HAUS6: variants seen among roughly 807,000 people sequenced by gnomAD.
HAUS6 encodes HAUS augmin-like complex subunit 6.
HAUS6 carries 80 observed loss-of-function variants against 106.8 expected under a neutral mutation model. The observed-to-expected ratio is 0.75, with a 90% CI of 0.63 to 0.90. The LOEUF is 0.90. Ranked by LOEUF, HAUS6 falls within the 40% of genes least tolerant of loss-of-function variation. The pLI is 0.00. For synonymous variants in HAUS6, 356 were observed against 379.1 expected, an observed-to-expected ratio of 0.94 and a Z score of 0.71; for missense variants, 1,155 against 1,118.1, an observed-to-expected ratio of 1.03 and a Z score of -0.47.
intron 4 of HAUS6, among the ~76,000 whole-genome samples, chr9:19,091,431 T>C (rs940930175): frequency 3.3e-5 from 5 of 152,212 alleles, no homozygotes; most frequent in African/African-American, 1.2e-4. Context: ...GGACAATCCA[T>C]GCTTAGAAGT....
At chr9:19,078,949 G>C (rs1280098610) in intron 9 of HAUS6, among the ~76,000 whole-genome samples, 1 of 150,284 alleles carries the variant, frequency 6.7e-6, no homozygotes, top group African/African-American at 2.4e-5. Flanking sequence ...GAGGTCAGGA[G>C]TTCAAGACCA....
chr9:19,071,663 T>A (rs1259762585), intron 11 of HAUS6, among the ~76,000 whole-genome samples: 3 of 150,910 alleles, frequency 2.0e-5, no homozygotes, highest in Non-Finnish European at 4.4e-5. Context: ...AGCCTCGACT[T>A]CCTGGGCTCA....
chr9:19,090,319 G>A (rs1817716760), intron 4 of HAUS6, among the ~76,000 whole-genome samples: 1 of 152,188 alleles, frequency 6.6e-6, no homozygotes, highest in Admixed American at 6.5e-5. Flanking sequence ...TTTATTTATA[G>A]ATACCTCAAA....
intron 7 of HAUS6, among the ~76,000 whole-genome samples, chr9:19,086,181 C>T (rs576348098): frequency 1.5e-4 from 23 of 151,968 alleles, no homozygotes; most frequent in African/African-American, 5.5e-4. Context: ...CATATTGGCA[C>T]ACACCTGTAA....
At position 19,097,910 on chromosome 9, in the gene HAUS6, C is replaced by T. The variant is rs77612364; in HGVS notation, c.129-1141G>A. Among the ~76,000 whole-genome samples, 39 of 152,266 alleles carry T rather than the reference C, an allele frequency of 2.6e-4. No homozygotes were observed. The East Asian group carries it at 3.5e-3, about 14-fold the overall frequency. On this transcript the variant is annotated intron_variant, in intron 1 of 16. Coordinates refer to ENST00000380502, the MANE Select transcript of HAUS6 (RefSeq NM_017645.5). ...AAAATCAAATCAAGTGAATTTCTGA[C>T]TTAGGATTACTATTCTCTTGCGTAA...
intron 15 of HAUS6, 180 bp downstream of exon 15, chr9:19,059,908 T>C: frequency 4.1e-6 from 2 of 489,580 alleles, no homozygotes; most frequent in Non-Finnish European, 7.3e-6. Flanking sequence ...TTGAGTACAC[T>C]GAAGGCACAA....
intron 9 of HAUS6, among the ~76,000 whole-genome samples, chr9:19,078,833 A>T (rs1024617150): frequency 2.8e-4 from 38 of 134,046 alleles, no homozygotes; most frequent in Middle Eastern, 3.8e-3. Context: ...AAATAATTTT[A>T]AAAAATTAGT....
intron 9 of HAUS6, among the ~76,000 whole-genome samples, chr9:19,079,382 C>A (rs1837086746): frequency 6.6e-6 from 1 of 151,400 alleles, no homozygotes; most frequent in Admixed American, 6.6e-5. Context: ...CAGGCGCACG[C>A]CACCACGCCT....
intron 5 of HAUS6, among the ~76,000 whole-genome samples, chr9:19,087,805 T>G (rs1213301821): frequency 7.5e-6 from 1 of 132,920 alleles, no homozygotes; most frequent in Non-Finnish European, 1.5e-5. Flanking sequence ...ATCATGCCAC[T>G]GCACTCTAGT....
At chr9:19,073,525 A>G (rs183738705) in intron 11 of HAUS6, among the ~76,000 whole-genome samples, 1 of 152,086 alleles carries the variant, frequency 6.6e-6, no homozygotes, top group Admixed American at 6.6e-5. Flanking sequence ...CCAAATGGAC[A>G]TGAGAATTTC....
intron 5 of HAUS6, among the ~76,000 whole-genome samples, chr9:19,088,402 T>C (rs1245061530): frequency 7.2e-6 from 1 of 138,986 alleles, no homozygotes; most frequent in Non-Finnish European, 1.5e-5. Flanking sequence ...GGCAACAGAG[T>C]GAGACTCCGT....
rs553081597 is a variant in HAUS6, at chr9:19,079,370, T to G, written c.1065-1068A>C. Among the ~76,000 whole-genome samples the G allele has an allele frequency of 1.0e-3, 155 of 151,436 alleles. 5 individuals are homozygous for G. Among genetic ancestry groups the G allele is most frequent in the South Asian group, 3.6e-3 (17 of 4,774 alleles). On this transcript the variant is annotated intron_variant, in intron 9 of 16. Coordinates refer to ENST00000380502, the MANE Select transcript of HAUS6 (RefSeq NM_017645.5). ...CCTCTGCCTACTAAGTAGCTGGGAT[T>G]ACAGGCGCACGCCACCACGCCTGGC...
At position 19,102,818 on chromosome 9, in the gene HAUS6, A is replaced by C. The variant is rs1306987534; in HGVS notation, c.-167T>G. On this transcript the variant is annotated 5_prime_UTR_variant, in exon 1 of 17. Transcript: ENST00000380502. ...CGATTTCGCCTCAAAGGGCCTCACA[A>C]CCTCCGGGAAATTGAGTTTCTAACG... 4 of 591,342 alleles carry C rather than the reference A, an allele frequency of 6.8e-6. No individual in the cohort carries two copies. The highest frequency in any genetic ancestry group is 3.2e-5 in the East Asian group (1 of 31,178). The allele number at this position is 591,342 out of a possible 1,614,324, so 36.6% of individuals were successfully genotyped here.
chr9:19,082,823 AT>A (rs1250505083), intron 8 of HAUS6, 49 bp downstream of exon 8: 1 of 917,780 alleles, frequency 1.1e-6, no homozygotes, highest in Non-Finnish European at 1.6e-6. Flanking sequence ...AAAATATACA[AT>A]TACATGATAG....
chr9:19,097,555 A>G (rs1186993598), intron 1 of HAUS6, among the ~76,000 whole-genome samples: 2 of 152,208 alleles, frequency 1.3e-5, no homozygotes, highest in Admixed American at 6.5e-5. Context: ...ATGAGATACC[A>G]TCTCACACCA....
chr9:19,056,216 A>C lies in HAUS6; in HGVS notation c.*127T>G. On this transcript the variant is annotated 3_prime_UTR_variant, in exon 17 of 17. Coordinates refer to ENST00000380502, the MANE Select transcript of HAUS6 (RefSeq NM_017645.5). ...ATATTAAAGAAGGCTAAAAGGCATT[A>C]GGAATTTTTTTAAACCTTGAAAAAC... The C allele has an allele frequency of 1.7e-6, 1 of 580,078 alleles. No homozygotes were observed. Among genetic ancestry groups the C allele is most frequent in the East Asian group, 2.6e-5 (1 of 38,036 alleles). The allele number at this position is 580,078 out of a possible 1,614,324, so 35.9% of individuals were successfully genotyped here.
At chr9:19,088,365 G>A (rs1162047158) in intron 5 of HAUS6, among the ~76,000 whole-genome samples, 27 of 149,436 alleles carry the variant, frequency 1.8e-4, no homozygotes, top group Non-Finnish European at 3.8e-4. Flanking sequence ...GCAGTGAGCC[G>A]AGATTGTGAC....
rs1351984743 is a variant in HAUS6 at position 19,102,518 on chromosome 9, C to G, written c.128+6G>C. Reference sequence around the variant, plus strand: ...TCCCTCGCCCCGCCGGCCCCGGCCTCCTTACACTCCGAGGTGCGTGTGCGA... The same window carrying G: ...TCCCTCGCCCCGCCGGCCCCGGCCTGCTTACACTCCGAGGTGCGTGTGCGA... On this transcript the variant is annotated splice_donor_region_variant and intron_variant, in intron 1 of 16. Coordinates refer to ENST00000380502, the MANE Select transcript of HAUS6 (RefSeq NM_017645.5). 6.2e-7 allele frequency: 1 copy of G among 1,613,124 alleles called. No homozygotes were observed. Among genetic ancestry groups the G allele is most frequent in the African/African-American group, 1.3e-5 (1 of 74,922 alleles).
At chr9:19,088,421 A>C (rs1459649338) in intron 5 of HAUS6, among the ~76,000 whole-genome samples, 1 of 152,090 alleles carries the variant, frequency 6.6e-6, no homozygotes, top group East Asian at 1.9e-4. Context: ...GTCTCAAAAA[A>C]AAAAAAAAAT....
Sources: gnomAD v4.1 joint callset for allele counts (sites outside exome capture counted in the v4.1 genomes callset) on GRCh38, gnomAD v4.1.1 for gene constraint, MANE v1.5 for transcripts, NCBI Gene and HGNC (gene_info 2026-07-23, HGNC 2026-07-21) for gene names.